ISCA2: variants seen among roughly 807,000 people sequenced by gnomAD.
ISCA2 encodes iron-sulfur cluster assembly 2 homolog, mitochondrial.
In ISCA2, 21 loss-of-function variants were observed where a neutral mutation model predicts 19.1. The observed-to-expected ratio is 1.10, with a 90% CI of 0.78 to 1.59. ISCA2 has a LOEUF of 1.59. Among genes scored for constraint, ISCA2 ranks in the 40% most tolerant of loss-of-function variants. The pLI is 0.00. For synonymous variants in ISCA2, 107 were observed against 83.8 expected (o/e 1.28, Z -1.51); for missense variants, 181 against 191.7 (o/e 0.94, Z 0.33).
At position 74,494,091 on chromosome 14, in the gene ISCA2, C is replaced by A; in HGVS notation, c.113C>A (p.Ala38Glu). The A allele has an allele frequency of 6.4e-7, 1 of 1,564,966 alleles. No individual in the cohort carries two copies. Among genetic ancestry groups the A allele is most frequent in the East Asian group, 2.4e-5 (1 of 42,392 alleles). The change falls in exon 2 of 4, where the codon GCG becomes GAG. Residue 38 changes from alanine (A) to glutamate (E), a missense_variant. By Grantham distance (107) the Ala-to-Glu change is moderately radical. Coordinates refer to ENST00000556816, the MANE Select transcript of ISCA2 (RefSeq NM_194279.4). Reference protein sequence around the residue: ...ASLGPQARREASSSSPEAGEG... With the variant: ...ASLGPQARREESSSSPEAGEG... ...CTGGGACCCCAGGCGCGTCGGGAGG[C>A]GTCGTCCTCCAGCCCCGAGGCCGGC... is the stretch of plus-strand genomic sequence containing the variant.
rs530096447 is a variant in ISCA2 at position 74,495,597 on chromosome 14, C to T, written c.*597C>T. ...TGCTATGAGTCATAAAACCAAGAGCCCGTTACCCAGAAAACTTGGACCAAA... is the reference window on the plus strand; with the variant it reads ...TGCTATGAGTCATAAAACCAAGAGCTCGTTACCCAGAAAACTTGGACCAAA... On this transcript the variant is annotated 3_prime_UTR_variant, in exon 4 of 4. Coordinates refer to ENST00000556816, the MANE Select transcript of ISCA2 (RefSeq NM_194279.4). The T allele has an allele frequency of 1.3e-5, 2 of 152,270 alleles. No individual in the cohort carries two copies. Among genetic ancestry groups the T allele is most frequent in the African/African-American group, 2.4e-5 (1 of 41,558 alleles). 9.4% of individuals were successfully genotyped at this position (152,270 alleles called of 1,614,324 possible). A position where few individuals can be genotyped will look rare whatever the true frequency, so the allele number is the denominator to read the frequency against.
rs1448337028 is a variant in ISCA2 at position 74,493,875 on chromosome 14, G to A, written c.71+30G>A. On this transcript the variant is annotated intron_variant, in intron 1 of 3. Coordinates refer to ENST00000556816, the MANE Select transcript of ISCA2 (RefSeq NM_194279.4). This position sits in a 1 kb window ranked among gnomAD's most constrained non-coding sequence, Gnocchi z 4.1. ...CAAGACTAGAAAGGCACCTGGAAAG[G>A]GTGTTTGGTTCTGCGCCTCTAGGAC... is the stretch of plus-strand genomic sequence containing the variant. 1.6e-5 allele frequency: 25 copies of A among 1,547,672 alleles called. No individual in the cohort carries two copies. Among genetic ancestry groups the A allele is most frequent in the Non-Finnish European group, 2.2e-5 (25 of 1,142,236 alleles).
chr14:74,493,970 G>A lies in ISCA2; in HGVS notation c.72-80G>A. ...AGGCCGTCCAGGTGGGGGTCGCCAG[G>A]TTTAGCGTGAGGCGCTCCAGGTCGA... On this transcript the variant is annotated intron_variant, in intron 1 of 3. Transcript: ENST00000556816. The surrounding 1 kb of genome is among the most constrained non-coding windows in gnomAD (Gnocchi z 4.1). 1 of 1,483,904 alleles carries A rather than the reference G, an allele frequency of 6.7e-7. No individual in the cohort carries two copies. The highest frequency in any genetic ancestry group is 9.2e-7 in the Non-Finnish European group (1 of 1,091,942). The allele number at this position is 1,483,904 out of a possible 1,614,324, so 91.9% of individuals were successfully genotyped here.
rs1273374334 is a variant in ISCA2, at chr14:74,494,868, T to C, written c.333T>C (p.Asp111=). 5 of 1,614,022 alleles carry C rather than the reference T, an allele frequency of 3.1e-6. No homozygotes were observed. The African/African-American group carries it at 5.3e-5, about 17-fold the overall frequency. The stretch of plus-strand genomic sequence containing the variant: ...GGGCAAGAGTGGTGGTTGACTCTGA[T>C]AGCTTGGCCTTCGTGAAAGGGGCCC... ...QGGARVVVDS[D]SLAFVKGAQV... The change falls in exon 4 of 4, where the codon GAT becomes GAC. Residue 111 remains aspartate, a synonymous_variant. Coordinates refer to ENST00000556816, the MANE Select transcript of ISCA2 (RefSeq NM_194279.4).
chr14:74,493,821 C>T lies in ISCA2; in HGVS notation c.47C>T (p.Ala16Val), dbSNP rs868238817. Reference protein sequence around the residue: ...GSSLTAATQRAVTPWPRGRLL... With the variant: ...GSSLTAATQRVVTPWPRGRLL... ...TCCCTAACGGCCGCGACGCAGAGAGCGGTCACTCCCTGGCCGAGGGGCAGG... is the reference window on the plus strand; with the variant it reads ...TCCCTAACGGCCGCGACGCAGAGAGTGGTCACTCCCTGGCCGAGGGGCAGG... Residue 16 changes from alanine to valine, a missense_variant, in exon 1 of 4, where the codon GCG becomes GTG. By Grantham distance (64) the Ala-to-Val change is moderately conservative. Coordinates refer to ENST00000556816, the MANE Select transcript of ISCA2 (RefSeq NM_194279.4). The surrounding 1 kb of genome is among the most constrained non-coding windows in gnomAD (Gnocchi z 4.1). 2 of 1,545,686 alleles carry T rather than the reference C, an allele frequency of 1.3e-6. No homozygotes were observed. Among genetic ancestry groups the T allele is most frequent in the Non-Finnish European group, 1.7e-6 (2 of 1,148,976 alleles).
rs1291648725 is a variant in ISCA2, at chr14:74,494,109, A to T, written c.131A>T (p.Glu44Val). 6.3e-7 allele frequency: 1 copy of T among 1,576,514 alleles called. No individual in the cohort carries two copies. The highest frequency in any genetic ancestry group is 8.6e-7 in the Non-Finnish European group (1 of 1,163,770). The change falls in exon 2 of 4, where the codon GAG (glutamate) becomes GTG (valine). Residue 44 changes from glutamate (E) to valine (V), a missense_variant. Physicochemically the swap from Glu to Val is moderately radical, Grantham distance 121. Coordinates refer to ENST00000556816, the MANE Select transcript of ISCA2 (RefSeq NM_194279.4). Reference protein sequence around the residue: ...ARREASSSSPEAGEGQIRLTD... With the variant: ...ARREASSSSPVAGEGQIRLTD... The stretch of plus-strand genomic sequence containing the variant: ...CGGGAGGCGTCGTCCTCCAGCCCCG[A>T]GGCCGGCGAAGGGCAGATCCGCCTC...
chr14:74,494,163 G>T lies in ISCA2; in HGVS notation c.174+11G>T. The T allele has an allele frequency of 6.3e-7, 1 of 1,586,584 alleles. No homozygotes were observed. Among genetic ancestry groups the T allele is most frequent in the Non-Finnish European group, 8.6e-7 (1 of 1,165,564 alleles). ...GACAGTTGCGTCCAGGTAGGAGGCC[G>T]GACGCGGAGCGGCGGTACCCAGGCG... is the stretch of plus-strand genomic sequence containing the variant. On this transcript the variant is annotated intron_variant, in intron 2 of 3. Transcript: ENST00000556816.
chr14:74,494,762 G>A (rs1213868086), intron 3 of ISCA2, 64 bp from the exon 4 acceptor site: 1 of 1,437,796 alleles, frequency 7.0e-7, no homozygotes, highest in East Asian at 2.3e-5. Context: ...GTGCACCTCT[G>A]GGCTCAGGGG....
rs2086811150 is a variant in ISCA2 at position 74,493,835 on chromosome 14, C to G, written c.61C>G (p.Pro21Ala). 6.4e-7 allele frequency: 1 copy of G among 1,558,952 alleles called. No homozygotes were observed. Among genetic ancestry groups the G allele is most frequent in the Admixed American group, 2.0e-5 (1 of 49,092 alleles). Residue 21 changes from proline (P) to alanine (A), a missense_variant, in exon 1 of 4, where the codon CCG (proline) becomes GCG (alanine). Coordinates refer to ENST00000556816, the MANE Select transcript of ISCA2 (RefSeq NM_194279.4). This position sits in a 1 kb window ranked among gnomAD's most constrained non-coding sequence, Gnocchi z 4.1. The stretch of plus-strand genomic sequence containing the variant: ...GACGCAGAGAGCGGTCACTCCCTGG[C>G]CGAGGGGCAGGTACCAAGACTAGAA... ...AATQRAVTPW[P>A]RGRLLTASLG...
Position 74,494,292 on chromosome 14 carries a change from C to T in ISCA2, c.192C>T (p.Thr64=), listed in dbSNP as rs2086819838. ...DSCVQRLLEI[T]EGSEFLRLQV... Reference sequence around the variant, plus strand: ...CATTTCAGAGGCTTTTGGAAATCACCGAAGGGTCAGAATTCCTCAGGCTGC... The same window carrying T: ...CATTTCAGAGGCTTTTGGAAATCACTGAAGGGTCAGAATTCCTCAGGCTGC... Residue 64 remains threonine (T), a synonymous_variant, in exon 3 of 4, where the codon ACC becomes ACT. Coordinates refer to ENST00000556816, the MANE Select transcript of ISCA2 (RefSeq NM_194279.4). 1.2e-6 allele frequency: 2 copies of T among 1,613,878 alleles called. No homozygotes were observed. Among genetic ancestry groups the T allele is most frequent in the Non-Finnish European group, 1.7e-6 (2 of 1,179,854 alleles).
chr14:74,494,093 T>G lies in ISCA2; in HGVS notation c.115T>G (p.Ser39Ala). ...SLGPQARREA[S>A]SSSPEAGEGQ... ...GGGACCCCAGGCGCGTCGGGAGGCGTCGTCCTCCAGCCCCGAGGCCGGCGA... is the reference window on the plus strand; with the variant it reads ...GGGACCCCAGGCGCGTCGGGAGGCGGCGTCCTCCAGCCCCGAGGCCGGCGA... Residue 39 changes from serine (S) to alanine (A), a missense_variant, in exon 2 of 4, where the codon TCG (serine) becomes GCG (alanine). Ser to Ala is a moderately conservative substitution (Grantham distance 99). Coordinates refer to ENST00000556816, the MANE Select transcript of ISCA2 (RefSeq NM_194279.4). 4 of 1,566,658 alleles carry G rather than the reference T, an allele frequency of 2.6e-6. No individual in the cohort carries two copies. The highest frequency in any genetic ancestry group is 3.4e-6 in the Non-Finnish European group (4 of 1,159,688).
At chr14:74,494,729 C>G in intron 3 of ISCA2, 97 bp from the exon 4 acceptor site, 1 of 1,071,748 alleles carries the variant, frequency 9.3e-7, no homozygotes, top group Non-Finnish European at 1.4e-6. Context: ...GAAGCTCCCT[C>G]TGTACTTTAG....
rs2086842137 is a variant in ISCA2 at position 74,495,918 on chromosome 14, TAC to T, written c.*919_*920del. On this transcript the variant is annotated 3_prime_UTR_variant, in exon 4 of 4. Transcript: ENST00000556816. ...ATGCATATGTCTCAAATATTGCATA[TAC>T]TAAAAATTACTATTTGAAATTCAAA... is the stretch of plus-strand genomic sequence containing the variant. 6.6e-6 allele frequency: 1 copy of T among 152,272 alleles called. No homozygotes were observed. The highest frequency in any genetic ancestry group is 1.5e-5 in the Non-Finnish European group (1 of 68,054). 9.4% of individuals were successfully genotyped at this position (152,272 alleles called of 1,614,324 possible). A position where few individuals can be genotyped will look rare whatever the true frequency, so the allele number is the denominator to read the frequency against.
Position 74,495,063 on chromosome 14 carries a change from T to A in ISCA2, c.*63T>A. On this transcript the variant is annotated 3_prime_UTR_variant, in exon 4 of 4. Transcript: ENST00000556816. Reference sequence around the variant, plus strand: ...ACCAATTTGAAGAACCTGGAATTAGTAGAATTCTAGAAGTTTACTTCTAAT... The same window carrying A: ...ACCAATTTGAAGAACCTGGAATTAGAAGAATTCTAGAAGTTTACTTCTAAT... 8.2e-7 allele frequency: 1 copy of A among 1,216,270 alleles called. No homozygotes were observed. Among genetic ancestry groups the A allele is most frequent in the African/African-American group, 1.5e-5 (1 of 66,444 alleles). 75.3% of individuals were successfully genotyped at this position (1,216,270 alleles called of 1,614,324 possible).
chr14:74,496,434 G>T lies in ISCA2; in HGVS notation c.*1434G>T, dbSNP rs1422806550. ...TATCATGCGGTTAGAGGAGAGAAGG[G>T]GACACTCAGAAACCTGAGCACATTT... is the stretch of plus-strand genomic sequence containing the variant. On this transcript the variant is annotated 3_prime_UTR_variant, in exon 4 of 4. Coordinates refer to ENST00000556816, the MANE Select transcript of ISCA2 (RefSeq NM_194279.4). 1 of 152,142 alleles carries T rather than the reference G, an allele frequency of 6.6e-6. No individual in the cohort carries two copies. Among genetic ancestry groups the T allele is most frequent in the African/African-American group, 2.4e-5 (1 of 41,408 alleles). 9.4% of individuals were successfully genotyped at this position (152,142 alleles called of 1,614,324 possible). A position where few individuals can be genotyped will look rare whatever the true frequency, so the allele number is the denominator to read the frequency against.
Position 74,493,829 on chromosome 14 carries a change from C to T in ISCA2, c.55C>T (p.Pro19Ser), listed in dbSNP as rs769838954. 6.4e-7 allele frequency: 1 copy of T among 1,559,448 alleles called. No homozygotes were observed. The highest frequency in any genetic ancestry group is 1.4e-5 in the African/African-American group (1 of 73,950). The stretch of plus-strand genomic sequence containing the variant: ...GGCCGCGACGCAGAGAGCGGTCACT[C>T]CCTGGCCGAGGGGCAGGTACCAAGA... ...LTAATQRAVT[P>S]WPRGRLLTAS... The change falls in exon 1 of 4, where the codon CCC becomes TCC. Residue 19 changes from proline to serine, a missense_variant. Pro to Ser is a moderately conservative substitution (Grantham distance 74). Coordinates refer to ENST00000556816, the MANE Select transcript of ISCA2 (RefSeq NM_194279.4). The surrounding 1 kb of genome is among the most constrained non-coding windows in gnomAD (Gnocchi z 4.1).
rs1372507392 is a variant in ISCA2 at position 74,495,280 on chromosome 14, C to T, written c.*280C>T. 8 of 307,050 alleles carry T rather than the reference C, an allele frequency of 2.6e-5. No individual in the cohort carries two copies. Among genetic ancestry groups the T allele is most frequent in the Non-Finnish European group, 4.8e-5 (8 of 167,238 alleles). 19.0% of individuals were successfully genotyped at this position (307,050 alleles called of 1,614,324 possible). ...CGTATAATCTGTAGAGCCTCCATGG[C>T]TCTAAAATTTGGAATTAACTTCTCT... On this transcript the variant is annotated 3_prime_UTR_variant, in exon 4 of 4. Coordinates refer to ENST00000556816, the MANE Select transcript of ISCA2 (RefSeq NM_194279.4).
At position 74,495,676 on chromosome 14, in the gene ISCA2, T is replaced by A. The variant is rs1307702873; in HGVS notation, c.*676T>A. The A allele has an allele frequency of 1.3e-5, 2 of 152,226 alleles. No homozygotes were observed. Among genetic ancestry groups the A allele is most frequent in the African/African-American group, 2.4e-5 (1 of 41,458 alleles). The allele number at this position is 152,226 out of a possible 1,614,324, so 9.4% of individuals were successfully genotyped here. A position where few individuals can be genotyped will look rare whatever the true frequency, so the allele number is the denominator to read the frequency against. The stretch of plus-strand genomic sequence containing the variant: ...ATAGCCTCCCTACTCATACAGACAT[T>A]TTAAGATTCTGTGACAATTTAATGA... On this transcript the variant is annotated 3_prime_UTR_variant, in exon 4 of 4. Coordinates refer to ENST00000556816, the MANE Select transcript of ISCA2 (RefSeq NM_194279.4).
chr14:74,494,296 G>A lies in ISCA2; in HGVS notation c.196G>A (p.Gly66Arg). Residue 66 changes from glycine to arginine, a missense_variant, in exon 3 of 4, where the codon GGG (glycine) becomes AGG (arginine). Gly to Arg is a moderately radical substitution (Grantham distance 125). Coordinates refer to ENST00000556816, the MANE Select transcript of ISCA2 (RefSeq NM_194279.4). Reference sequence around the variant, plus strand: ...TCAGAGGCTTTTGGAAATCACCGAAGGGTCAGAATTCCTCAGGCTGCAAGT... The same window carrying A: ...TCAGAGGCTTTTGGAAATCACCGAAAGGTCAGAATTCCTCAGGCTGCAAGT... Reference protein sequence around the residue: ...CVQRLLEITEGSEFLRLQVEG... With the variant: ...CVQRLLEITERSEFLRLQVEG... The A allele has an allele frequency of 1.2e-6, 2 of 1,614,114 alleles. No individual in the cohort carries two copies. The highest frequency in any genetic ancestry group is 2.2e-5 in the East Asian group (1 of 44,876).
Sources: allele counts gnomAD v4.1 joint callset, GRCh38; gene constraint gnomAD v4.1.1; non-coding constraint Gnocchi (gnomAD v3.1); transcripts MANE v1.5; gene names NCBI Gene and HGNC (gene_info 2026-07-23, HGNC 2026-07-21).